ASXL1: variants seen among roughly 807,000 people sequenced by gnomAD.
ASXL1 encodes the protein polycomb group protein ASXL1.
A neutral mutation model predicts 89.1 loss-of-function variants in ASXL1; 65 were observed. The observed-to-expected ratio is 0.73, with a 90% CI of 0.60 to 0.90. The LOEUF is 0.90. Among genes scored for constraint, ASXL1 ranks in the 40% least tolerant of loss-of-function variants. The probability of loss-of-function intolerance (pLI) is 0.00; values close to 1 mark genes in which losing one functional copy is unlikely to be tolerated. For missense variants in ASXL1, 1,786 were observed against 1,942.9 expected, an observed-to-expected ratio of 0.92 and a Z score of 1.52; for synonymous variants, 739 against 746.9, an observed-to-expected ratio of 0.99 and a Z score of 0.17.
chr20:32,421,724 G>T (rs559689952), intron 4 of ASXL1, among the ~76,000 whole-genome samples: 1 of 152,262 alleles, frequency 6.6e-6, no homozygotes, highest in Non-Finnish European at 1.5e-5. Context: ...GCATAAACAG[G>T]CTGAGTGAAA....
chr20:32,382,942 T>C (rs112798114), intron 4 of ASXL1, among the ~76,000 whole-genome samples: 37 of 152,320 alleles, frequency 2.4e-4, no homozygotes, highest in African/African-American at 8.2e-4. Flanking sequence ...GTTATCTAAT[T>C]TACTGTCATT....
intron 4 of ASXL1, among the ~76,000 whole-genome samples, chr20:32,395,897 C>T (rs188270721): frequency 1.7e-4 from 26 of 152,272 alleles, no homozygotes; most frequent in African/African-American, 5.3e-4. Flanking sequence ...TTCCCAGGTT[C>T]AAGCGATTAT....
intron 1 of ASXL1, among the ~76,000 whole-genome samples, chr20:32,366,072 T>C: frequency 6.6e-6 from 1 of 152,222 alleles, no homozygotes; most frequent in Non-Finnish European, 1.5e-5. Context: ...CAGCACTATA[T>C]ATTCTGTGGT....
intron 4 of ASXL1, among the ~76,000 whole-genome samples, chr20:32,417,194 A>G (rs750960161): frequency 6.6e-6 from 1 of 152,210 alleles, no homozygotes; most frequent in South Asian, 2.1e-4. Flanking sequence ...CTGATACACA[A>G]TATATGCATA....
intron 4 of ASXL1, among the ~76,000 whole-genome samples, chr20:32,408,625 T>C (rs989450422): frequency 6.6e-6 from 1 of 152,184 alleles, no homozygotes; most frequent in Middle Eastern, 3.2e-3. Flanking sequence ...CAGTCCTAGC[T>C]TACTGCATCC....
intron 4 of ASXL1, among the ~76,000 whole-genome samples, chr20:32,378,195 T>TGTGTGTG (rs1569255451): frequency 2.4e-4 from 35 of 147,360 alleles, no homozygotes; most frequent in Admixed American, 5.5e-4. Flanking sequence ...TGTGTGTGTG[T>TGTGTGTG]TTTAATAGAG....
chr20:32,384,253 C>CTGGA (rs1157914908), intron 4 of ASXL1, among the ~76,000 whole-genome samples: 1 of 126,030 alleles, frequency 7.9e-6, no homozygotes, highest in Non-Finnish European at 1.6e-5. Context: ...GTTGCTCAGG[C>CTGGA]TGGAGTGCAG....
rs539931019 is a variant in ASXL1, at chr20:32,416,415, C to T, written c.253-11713C>T. 5.9e-5 allele frequency among the ~76,000 whole-genome samples: 9 copies of T among 152,362 alleles called. No individual in the cohort carries two copies. The East Asian group carries it at 1.7e-3, about 29-fold the overall frequency. ...AATCCCTCTGTCCCCACCTGCCACC[C>T]TGGCCTGTTGCCCCTGTTCTTCCCA... On this transcript the variant is annotated intron_variant, in intron 4 of 12. Transcript: ENST00000375687.
rs2145388840 is a variant in ASXL1 at position 32,436,589 on chromosome 20, G to A, written c.3877G>A (p.Asp1293Asn). The change falls in exon 13 of 13, where the codon GAT becomes AAT. Residue 1293 changes from aspartate to asparagine, a missense_variant. This residue lies in a region of ASXL1 where 1,418 missense variants were observed against 1,427.8 expected (regional missense o/e 0.99). Coordinates refer to ENST00000375687, the MANE Select transcript of ASXL1 (RefSeq NM_015338.6). ...GPEQTGRALG[D>N]QSNVTGQGKK... ...AGAGCAGACAGGTCGGGCCCTGGGT[G>A]ATCAGAGCAATGTTACAGGCCAAGG... The A allele has an allele frequency of 1.2e-6, 2 of 1,614,214 alleles. No homozygotes were observed. Among genetic ancestry groups the A allele is most frequent in the Non-Finnish European group, 1.7e-6 (2 of 1,180,046 alleles).
Position 32,365,686 on chromosome 20 carries a change from A to G in ASXL1, c.58-698A>G, listed in dbSNP as rs190358164. On this transcript the variant is annotated intron_variant, in intron 1 of 12. Coordinates refer to ENST00000375687, the MANE Select transcript of ASXL1 (RefSeq NM_015338.6). Reference sequence around the variant, plus strand: ...TTGCACACTAAGAAAATACTGCAATACTGCCATGACTTGGTTATAGGTGAT... The same window carrying G: ...TTGCACACTAAGAAAATACTGCAATGCTGCCATGACTTGGTTATAGGTGAT... Among the ~76,000 whole-genome samples the G allele has an allele frequency of 5.3e-4, 81 of 152,322 alleles. No individual in the cohort carries two copies. In the South Asian group the frequency reaches 0.013, roughly 25 times the overall value.
intron 4 of ASXL1, among the ~76,000 whole-genome samples, chr20:32,391,984 A>G (rs2048680153): frequency 6.8e-6 from 1 of 146,572 alleles, no homozygotes; most frequent in Admixed American, 6.8e-5. Context: ...TTTTTCCCTA[A>G]TTCTTTTACT....
Position 32,437,006 on chromosome 20 carries a change from T to C in ASXL1, c.4294T>C (p.Ser1432Pro). 6.2e-7 allele frequency: 1 copy of C among 1,613,904 alleles called. No homozygotes were observed. Among genetic ancestry groups the C allele is most frequent in the Middle Eastern group, 1.7e-4 (1 of 6,060 alleles). The change falls in exon 13 of 13, where the codon TCC (serine) becomes CCC (proline). Residue 1432 changes from serine (S) to proline (P), a missense_variant. By Grantham distance (74) the Ser-to-Pro change is moderately conservative (BLOSUM62 -1). Transcript: ENST00000375687. ...SEPLEPSSLP[S>P]QLSIKQAFYG... Reference sequence around the variant, plus strand: ...GCCTCTGGAGCCTTCTTCTCTCCCCTCCCAACTCAGCATCAAGCAGGCATT... The same window carrying C: ...GCCTCTGGAGCCTTCTTCTCTCCCCCCCCAACTCAGCATCAAGCAGGCATT...
chr20:32,427,999 TAGAA>T (rs1170146853), intron 4 of ASXL1, 125 bp from the exon 5 acceptor site: 2 of 1,362,314 alleles, frequency 1.5e-6, no homozygotes, highest in South Asian at 1.2e-5. Context: ...AAAGGTCAGT[TAGAA>T]AGGGTTAGGA....
At chr20:32,370,235 C>T (rs1221555067) in intron 4 of ASXL1, among the ~76,000 whole-genome samples, 1 of 152,064 alleles carries the variant, frequency 6.6e-6, no homozygotes, top group Non-Finnish European at 1.5e-5. Flanking sequence ...TATTTTTCCA[C>T]CATTTGTGAT....
chr20:32,435,070 AACT>A lies in ASXL1; in HGVS notation c.2359_2361del (p.Thr787del), dbSNP rs2011730426. On this transcript the variant is annotated inframe_deletion, in exon 13 of 13. Transcript: ENST00000375687. ...AGCCTCAGTTGCATCCGGATGTTAG[AACT>A]GAATGTGAGTCTGGCACCACTTCCT... 6.2e-7 allele frequency: 1 copy of A among 1,613,936 alleles called. No homozygotes were observed. Among genetic ancestry groups the A allele is most frequent in the Non-Finnish European group, 8.5e-7 (1 of 1,180,022 alleles).
chr20:32,386,221 A>G (rs1305453279), intron 4 of ASXL1, among the ~76,000 whole-genome samples: 1 of 152,172 alleles, frequency 6.6e-6, no homozygotes, highest in Non-Finnish European at 1.5e-5. Context: ...GCAGTGGAAA[A>G]ACACATAGAA....
Position 32,429,121 on chromosome 20 carries a change from A to G in ASXL1, c.472-217A>G. The G allele has an allele frequency of 1.7e-6, 1 of 577,834 alleles. No homozygotes were observed. The highest frequency in any genetic ancestry group is 3.1e-6 in the Non-Finnish European group (1 of 320,684). The allele number at this position is 577,834 out of a possible 1,614,324, so 35.8% of individuals were successfully genotyped here. On this transcript the variant is annotated intron_variant, in intron 6 of 12. Coordinates refer to ENST00000375687, the MANE Select transcript of ASXL1 (RefSeq NM_015338.6). This position sits in a 1 kb window ranked among gnomAD's most constrained non-coding sequence, Gnocchi z 4.9. ...AAAATTCCTTACCTGTAAAATGGGG[A>G]TAACAGTACATTTTTGTAGCTTGGA...
At chr20:32,395,858 G>C (rs565015216) in intron 4 of ASXL1, among the ~76,000 whole-genome samples, 4 of 152,212 alleles carry the variant, frequency 2.6e-5, no homozygotes, top group Admixed American at 2.0e-4. Flanking sequence ...AAGTGCAGTG[G>C]CATGATCTTG....
intron 4 of ASXL1, among the ~76,000 whole-genome samples, chr20:32,413,269 C>T (rs1371309178): frequency 6.6e-6 from 1 of 151,974 alleles, no homozygotes; most frequent in Non-Finnish European, 1.5e-5. Context: ...ACACCGGAAA[C>T]AATGAGGTTG....
Sources: gnomAD v4.1 joint callset for allele counts (sites outside exome capture counted in the v4.1 genomes callset) on GRCh38, gnomAD v4.1.1 for gene constraint, gnomAD v4.1.1 regional missense constraint, Gnocchi (gnomAD v3.1) non-coding constraint, MANE v1.5 for transcripts, NCBI Gene and HGNC (gene_info 2026-07-23, HGNC 2026-07-21) for gene names.